The following NKAIN3 variants were observed in gnomAD, a reference collection of about 807,000 sequenced individuals.
NKAIN3 encodes the protein sodium/potassium-transporting ATPase subunit beta-1-interacting protein 3.
Under a neutral mutation model 30.2 loss-of-function variants are expected in NKAIN3, and 25 were observed. The observed-to-expected ratio is 0.83, with a 90% confidence interval of 0.60 to 1.16. The LOEUF (loss-of-function observed/expected upper bound fraction) is 1.16, where lower values mean the gene tolerates loss of function less well. Ranked by LOEUF, NKAIN3 falls within the 50% of genes most tolerant of loss-of-function variation. The pLI, the probability that NKAIN3 is intolerant of heterozygous loss-of-function variation, is 0.00. For synonymous variants in NKAIN3, 91 were observed against 89.6 expected (o/e 1.02, Z -0.09); for missense variants, 225 against 254.1 (o/e 0.89, Z 0.78).
At chr8:62,751,838 G>A (rs914736108) in intron 4 of NKAIN3, among the ~76,000 whole-genome samples, 1 of 151,850 alleles carries the variant, frequency 6.6e-6, no homozygotes, top group Non-Finnish European at 1.5e-5. Flanking sequence ...GTGTGTGTGT[G>A]TGTATGTGTT....
At chr8:62,955,581 A>G (rs1823398843) in intron 6 of NKAIN3, among the ~76,000 whole-genome samples, 1 of 152,214 alleles carries the variant, frequency 6.6e-6, no homozygotes, top group Non-Finnish European at 1.5e-5. Context: ...AAATGCTGCA[A>G]TTTAAGAGAG....
chr8:62,531,868 GCT>G (rs1157226319), intron 1 of NKAIN3, among the ~76,000 whole-genome samples: 2 of 152,206 alleles, frequency 1.3e-5, no homozygotes, highest in Non-Finnish European at 2.9e-5. Context: ...GCAAAATCAT[GCT>G]CTCTCCTAGG....
intron 1 of NKAIN3, among the ~76,000 whole-genome samples, chr8:62,306,327 T>G (rs561833678): frequency 6.7e-6 from 1 of 149,788 alleles, no homozygotes; most frequent in African/African-American, 2.5e-5. Context: ...GAAGGGGAGG[T>G]GGGCAGTAAT....
intron 1 of NKAIN3, among the ~76,000 whole-genome samples, chr8:62,563,281 G>T (rs918214175): frequency 5.9e-5 from 9 of 152,080 alleles, no homozygotes; most frequent in Admixed American, 2.0e-4. Flanking sequence ...GCAGAGGAAG[G>T]ATACTTAGAA....
At chr8:62,487,065 C>T (rs1241954858) in intron 1 of NKAIN3, among the ~76,000 whole-genome samples, 10 of 152,124 alleles carry the variant, frequency 6.6e-5, no homozygotes, top group Non-Finnish European at 5.9e-5. Flanking sequence ...ATGCCAGATT[C>T]GTGGACCATG....
chr8:62,517,762 C>G (rs1021449208), intron 1 of NKAIN3, among the ~76,000 whole-genome samples: 2 of 152,114 alleles, frequency 1.3e-5, no homozygotes, highest in African/African-American at 4.8e-5. Flanking sequence ...ACATTTTGTT[C>G]TGTCAGGACC....
At chr8:62,716,992 G>A (rs1468493385) in intron 3 of NKAIN3, among the ~76,000 whole-genome samples, 1 of 152,134 alleles carries the variant, frequency 6.6e-6, no homozygotes, top group South Asian at 2.1e-4. Flanking sequence ...CTGAAGATGT[G>A]CCTGATATCC....
At chr8:62,610,989 T>C (rs1278253351) in intron 3 of NKAIN3, among the ~76,000 whole-genome samples, 3 of 152,126 alleles carry the variant, frequency 2.0e-5, no homozygotes, top group Non-Finnish European at 4.4e-5. Flanking sequence ...TAATAGTTGA[T>C]GTACTTCTAA....
chr8:62,617,779 GA>G (rs55720603), intron 3 of NKAIN3, among the ~76,000 whole-genome samples: 69,602 of 151,936 alleles, frequency 0.46, 18,215 homozygotes, highest in African/African-American at 0.71. Flanking sequence ...ACACCAAATG[GA>G]AAAAAAGAAA....
intron 5 of NKAIN3, among the ~76,000 whole-genome samples, chr8:62,943,992 AC>A (rs1823052091): frequency 6.6e-6 from 1 of 151,910 alleles, no homozygotes; most frequent in African/African-American, 2.4e-5. Flanking sequence ...GACATAATGG[AC>A]TTTGGGGAAT....
At chr8:62,451,286 T>TCCCCTCCCGTCCCCTC (rs1805633180) in intron 1 of NKAIN3, among the ~76,000 whole-genome samples, 1 of 142,540 alleles carries the variant, frequency 7.0e-6, no homozygotes, top group Non-Finnish European at 1.6e-5. Flanking sequence ...TCTCTCCCCT[T>TCCCCTCCCGTCCCCTC]CCCTCCCCTC....
At chr8:62,530,556 T>C (rs1288047738) in intron 1 of NKAIN3, among the ~76,000 whole-genome samples, 1 of 152,168 alleles carries the variant, frequency 6.6e-6, no homozygotes, top group Non-Finnish European at 1.5e-5. Context: ...TAAGAACAGG[T>C]TGACAATATT....
At chr8:62,913,658 G>A (rs1202975014) in intron 4 of NKAIN3, among the ~76,000 whole-genome samples, 3 of 152,104 alleles carry the variant, frequency 2.0e-5, no homozygotes. Context: ...CGTTATCTTG[G>A]AAGAATCCAT....
At chr8:62,838,817 G>C (rs1819445287) in intron 4 of NKAIN3, among the ~76,000 whole-genome samples, 1 of 152,084 alleles carries the variant, frequency 6.6e-6, no homozygotes, top group Admixed American at 6.6e-5. Context: ...AAATGTGCCA[G>C]ACAATATTTT....
intron 4 of NKAIN3, among the ~76,000 whole-genome samples, chr8:62,754,815 C>T (rs4739004): frequency 0.19 from 29,577 of 152,060 alleles, 3,287 homozygotes; most frequent in African/African-American, 0.29. Context: ...GGCTGTATAG[C>T]TATCTGTTCA....
chr8:62,354,735 G>A (rs939989096), intron 1 of NKAIN3, among the ~76,000 whole-genome samples: 7 of 152,124 alleles, frequency 4.6e-5, no homozygotes, highest in African/African-American at 7.2e-5. Context: ...GAGCCACCGC[G>A]CCAGGCCGAC....
intron 1 of NKAIN3, among the ~76,000 whole-genome samples, chr8:62,506,724 C>T (rs1276984233): frequency 1.3e-5 from 2 of 152,066 alleles, no homozygotes; most frequent in Non-Finnish European, 2.9e-5. Flanking sequence ...CTGCTCACCT[C>T]AGCCTCCCAG....
intron 1 of NKAIN3, among the ~76,000 whole-genome samples, chr8:62,558,608 G>A (rs1007626199): frequency 6.6e-6 from 1 of 151,976 alleles, no homozygotes; most frequent in African/African-American, 2.4e-5. Flanking sequence ...TGATTCATAA[G>A]ACAAGTCTCA....
At chr8:62,757,534 G>A (rs1045007648) in intron 4 of NKAIN3, among the ~76,000 whole-genome samples, 3 of 152,072 alleles carry the variant, frequency 2.0e-5, no homozygotes, top group African/African-American at 4.8e-5. Context: ...CCAGCCGGCC[G>A]TCAAAGTGCC....
Sources: gnomAD v4.1 joint callset for allele counts (sites outside exome capture counted in the v4.1 genomes callset) on GRCh38, gnomAD v4.1.1 for gene constraint, MANE v1.5 for transcripts, NCBI Gene and HGNC (gene_info 2026-07-23, HGNC 2026-07-21) for gene names.